CLDN10: variants seen among roughly 807,000 people sequenced by gnomAD.
CLDN10 encodes claudin-10.
Under a neutral mutation model 22.9 loss-of-function variants are expected in CLDN10, and 15 were observed. That is an observed-to-expected ratio of 0.65 (90% CI 0.44 to 1.01). The LOEUF is 1.01. Ranked by LOEUF, CLDN10 falls within the 50% of genes least tolerant of loss-of-function variation. The pLI, the probability that CLDN10 is intolerant of heterozygous loss-of-function variation, is 0.00. For missense variants in CLDN10, 247 were observed against 287.8 expected (o/e 0.86, Z 1.03); for synonymous variants, 114 against 111.4 (o/e 1.02, Z -0.15).
exon 1 of CLDN10, chr13:95,433,851 C>G (rs1240150629): frequency 6.2e-7 from 1 of 1,614,004 alleles, no homozygotes; most frequent in Non-Finnish European, 8.5e-7. Context: ...GGGCGCAGAT[C>G]TGGGCTCTGG....
intron 3 of CLDN10, among the ~76,000 whole-genome samples, chr13:95,570,024 C>G (rs1278623226): frequency 6.6e-6 from 1 of 152,174 alleles, no homozygotes; most frequent in Non-Finnish European, 1.5e-5. Flanking sequence ...TTGATTGACC[C>G]AAGCTTCTTT....
Position 95,555,659 on chromosome 13 carries a change from A to C in CLDN10, c.220+2686A>C, listed in dbSNP as rs142487312. On this transcript the variant is annotated intron_variant, in intron 1 of 4. Transcript: ENST00000299339. The stretch of plus-strand genomic sequence containing the variant: ...GATGACTTTCCTTCTGTGGCTTAAG[A>C]TGGCATTTCTTACCGCAAAACAAAC... Among the ~76,000 whole-genome samples, 18 of 152,296 alleles carry C rather than the reference A, an allele frequency of 1.2e-4. No individual in the cohort carries two copies. The East Asian group carries it at 3.5e-3, about 29-fold the overall frequency.
At chr13:95,467,071 G>A (rs1003729742) in intron 1 of CLDN10, among the ~76,000 whole-genome samples, 3 of 151,076 alleles carry the variant, frequency 2.0e-5, no homozygotes, top group Admixed American at 2.0e-4. Flanking sequence ...CAGAGATGGG[G>A]TTTCACCATG....
At chr13:95,440,402 G>A (rs1008167383) in intron 1 of CLDN10, among the ~76,000 whole-genome samples, 1 of 152,226 alleles carries the variant, frequency 6.6e-6, no homozygotes, top group Non-Finnish European at 1.5e-5. Flanking sequence ...GAGACTGGGA[G>A]TAGTGGCTCA....
intron 1 of CLDN10, among the ~76,000 whole-genome samples, chr13:95,445,473 C>T (rs2042365258): frequency 6.6e-6 from 1 of 152,156 alleles, no homozygotes; most frequent in African/African-American, 2.4e-5. Context: ...AGCATAGCAG[C>T]AGGAATACAA....
At chr13:95,569,053 A>G (rs1339267352) in intron 3 of CLDN10, among the ~76,000 whole-genome samples, 2 of 152,172 alleles carry the variant, frequency 1.3e-5, no homozygotes, top group Non-Finnish European at 2.9e-5. Flanking sequence ...GTATACTTCA[A>G]CTGTTTAGAA....
chr13:95,481,288 C>A (rs754659859), intron 1 of CLDN10, among the ~76,000 whole-genome samples: 14 of 152,122 alleles, frequency 9.2e-5, no homozygotes, highest in Non-Finnish European at 1.3e-4. Context: ...GCGGACCTTG[C>A]CTGCACTGAG....
intron 1 of CLDN10, among the ~76,000 whole-genome samples, chr13:95,531,537 A>C (rs935367970): frequency 2.6e-5 from 4 of 151,336 alleles, no homozygotes; most frequent in Non-Finnish European, 1.5e-5. Flanking sequence ...GCTCAGTATT[A>C]CCTTTTTTTT....
intron 1 of CLDN10, among the ~76,000 whole-genome samples, chr13:95,440,740 G>A (rs2042316623): frequency 6.6e-6 from 1 of 152,198 alleles, no homozygotes; most frequent in African/African-American, 2.4e-5. Context: ...ATAACCCAAG[G>A]TAGGTGAATT....
chr13:95,533,018 G>T (rs886534382), intron 1 of CLDN10, among the ~76,000 whole-genome samples: 1 of 151,988 alleles, frequency 6.6e-6, no homozygotes, highest in East Asian at 1.9e-4. Flanking sequence ...TTTCTAGAAA[G>T]ATAGTGTTTG....
At chr13:95,441,332 C>T (rs2042322931) in intron 1 of CLDN10, among the ~76,000 whole-genome samples, 1 of 152,082 alleles carries the variant, frequency 6.6e-6, no homozygotes, top group Non-Finnish European at 1.5e-5. Context: ...CACAGCTTGA[C>T]CTCCTGGGTT....
intron 1 of CLDN10, among the ~76,000 whole-genome samples, chr13:95,479,115 C>G (rs933058302): frequency 1.3e-5 from 2 of 152,186 alleles, no homozygotes; most frequent in African/African-American, 2.4e-5. Context: ...CTTTGGGAGG[C>G]CGAGGCAGGC....
At chr13:95,433,788 C>T in exon 1 of CLDN10, 1 of 1,603,346 alleles carries the variant, frequency 6.2e-7, no homozygotes, top group Non-Finnish European at 8.5e-7. Context: ...GCCTAGACCA[C>T]CAAAGCGTTC....
intron 1 of CLDN10, among the ~76,000 whole-genome samples, chr13:95,436,685 G>A (rs2139059326): frequency 6.6e-6 from 1 of 152,244 alleles, no homozygotes; most frequent in East Asian, 1.9e-4. Flanking sequence ...ACACTTTGCT[G>A]CAGAAATCTG....
At chr13:95,550,026 C>A (rs1446801589), upstream of CLDN10, among the ~76,000 whole-genome samples, 1 of 152,176 alleles carries the variant, frequency 6.6e-6, no homozygotes, top group African/African-American at 2.4e-5. Context: ...CAGAGCTCAA[C>A]TGGTCAGAGC....
chr13:95,526,931 T>C (rs1334675987), intron 1 of CLDN10, among the ~76,000 whole-genome samples: 1 of 152,242 alleles, frequency 6.6e-6, no homozygotes, highest in Non-Finnish European at 1.5e-5. Context: ...AGGTGTCCCC[T>C]AGTTCAACAA....
intron 3 of CLDN10, among the ~76,000 whole-genome samples, chr13:95,575,547 T>C (rs58594962): frequency 0.038 from 5,741 of 151,322 alleles, 387 homozygotes; most frequent in African/African-American, 0.13. Context: ...GCACTCCTGA[T>C]TTAGCCAGCT....
upstream of CLDN10, among the ~76,000 whole-genome samples, chr13:95,549,097 C>T (rs1312216388): frequency 6.6e-6 from 1 of 152,128 alleles, no homozygotes; most frequent in Non-Finnish European, 1.5e-5. Context: ...TAGAAAGGCT[C>T]AGAATATGTT....
chr13:95,526,319 G>T (rs2043280406), intron 1 of CLDN10, among the ~76,000 whole-genome samples: 1 of 152,010 alleles, frequency 6.6e-6, no homozygotes, highest in African/African-American at 2.4e-5. Context: ...TCAACTGTCT[G>T]CCAGTCAGTT....
Sources: gnomAD v4.1 joint callset for allele counts (sites outside exome capture counted in the v4.1 genomes callset) on GRCh38, gnomAD v4.1.1 for gene constraint, MANE v1.5 for transcripts, NCBI Gene and HGNC (gene_info 2026-07-23, HGNC 2026-07-21) for gene names.